Variants in MGAT4C observed in about 807,000 individuals in gnomAD.
MGAT4C encodes MGAT4 family member C.
A neutral mutation model predicts 40.1 loss-of-function variants in MGAT4C; 19 were observed. The ratio of observed to expected loss-of-function variants is 0.47; its 90% CI spans 0.33 to 0.70. MGAT4C has a LOEUF of 0.70. Among genes scored for constraint, MGAT4C ranks in the 30% least tolerant of loss-of-function variants. The pLI, the probability that MGAT4C is intolerant of heterozygous loss-of-function variation, is 0.02. For missense variants in MGAT4C, 491 were observed against 563.2 expected (o/e 0.87, Z 1.30); for synonymous variants, 181 against 187.1 (o/e 0.97, Z 0.27).
At chr12:86,299,241 T>C (rs1036817056) in intron 4 of MGAT4C, among the ~76,000 whole-genome samples, 1 of 152,292 alleles carries the variant, frequency 6.6e-6, no homozygotes, top group Non-Finnish European at 1.5e-5. Flanking sequence ...TTCAGCCTCC[T>C]GTGTAGCTGG....
intron 2 of MGAT4C, among the ~76,000 whole-genome samples, chr12:86,513,611 A>G (rs1479464725): frequency 6.6e-6 from 1 of 152,190 alleles, no homozygotes; most frequent in East Asian, 1.9e-4. Flanking sequence ...TGCCAGAACA[A>G]CTGAATGTCT....
chr12:86,472,651 T>C (rs931641804), intron 2 of MGAT4C, among the ~76,000 whole-genome samples: 5 of 152,156 alleles, frequency 3.3e-5, no homozygotes, highest in Non-Finnish European at 5.9e-5. Flanking sequence ...CTTAGTAATA[T>C]GATTTATTCT....
intron 1 of MGAT4C, among the ~76,000 whole-genome samples, chr12:86,734,643 A>C (rs1950957933): frequency 6.6e-6 from 1 of 151,942 alleles, no homozygotes; most frequent in Admixed American, 6.6e-5. Flanking sequence ...GTAGCACATG[A>C]GGATACAAAA....
chr12:86,182,695 AG>A (rs144847314), intron 1 of MGAT4C, among the ~76,000 whole-genome samples: 1 of 152,220 alleles, frequency 6.6e-6, no homozygotes, highest in East Asian at 1.9e-4. Flanking sequence ...TGTTGACAAA[AG>A]TCAATGATAG....
At chr12:86,032,477 C>T (rs980039279) in intron 2 of MGAT4C, among the ~76,000 whole-genome samples, 11 of 149,644 alleles carry the variant, frequency 7.4e-5, no homozygotes, top group African/African-American at 2.7e-4. Context: ...GAGTTGGTAT[C>T]TCATTGTGAG....
chr12:86,578,366 A>T (rs1028987439), intron 2 of MGAT4C, among the ~76,000 whole-genome samples: 2 of 151,834 alleles, frequency 1.3e-5, no homozygotes, highest in African/African-American at 4.8e-5. Context: ...TGGCTTTGGT[A>T]TCAGGGTAAC....
At chr12:86,802,618 C>T (rs951485558) in intron 1 of MGAT4C, among the ~76,000 whole-genome samples, 1 of 151,250 alleles carries the variant, frequency 6.6e-6, no homozygotes, top group Non-Finnish European at 1.5e-5. Context: ...TATACACCAA[C>T]AACAGACAAA....
At chr12:86,758,734 T>C (rs1266029930) in intron 1 of MGAT4C, among the ~76,000 whole-genome samples, 1 of 152,118 alleles carries the variant, frequency 6.6e-6, no homozygotes, top group Admixed American at 6.5e-5. Context: ...TATTTTGTTA[T>C]GCAAAATTGG....
intron 3 of MGAT4C, among the ~76,000 whole-genome samples, chr12:86,351,445 T>C (rs1473689812): frequency 6.6e-6 from 1 of 151,968 alleles, no homozygotes; most frequent in Non-Finnish European, 1.5e-5. Flanking sequence ...AGGGAGAGAT[T>C]GTCAAATACA....
intron 2 of MGAT4C, among the ~76,000 whole-genome samples, chr12:86,716,696 T>C (rs1168457274): frequency 6.6e-6 from 1 of 152,148 alleles, no homozygotes; most frequent in Non-Finnish European, 1.5e-5. Context: ...GCAACAAATG[T>C]CCTATTCCTC....
intron 1 of MGAT4C, among the ~76,000 whole-genome samples, chr12:86,822,161 G>T (rs1054841831): frequency 6.6e-6 from 1 of 150,478 alleles, no homozygotes; most frequent in East Asian, 1.9e-4. Flanking sequence ...AGACCCCAAG[G>T]TCACCACACA....
chr12:86,576,671 C>G (rs771411634), intron 2 of MGAT4C, among the ~76,000 whole-genome samples: 11 of 151,670 alleles, frequency 7.3e-5, no homozygotes, highest in Non-Finnish European at 1.2e-4. Context: ...TTCTGTTCCA[C>G]TGGTCTATGT....
chr12:86,373,230 G>C (rs919273429), intron 3 of MGAT4C, among the ~76,000 whole-genome samples: 1 of 151,894 alleles, frequency 6.6e-6, no homozygotes, highest in Non-Finnish European at 1.5e-5. Context: ...TCCAGAATCT[G>C]TTTGATTACA....
At chr12:86,371,436 A>G (rs1005091056) in intron 3 of MGAT4C, among the ~76,000 whole-genome samples, 1 of 152,064 alleles carries the variant, frequency 6.6e-6, no homozygotes, top group Non-Finnish European at 1.5e-5. Flanking sequence ...TAAAAAAATG[A>G]AACACCAATG....
At chr12:86,501,896 T>C (rs1958350499) in intron 2 of MGAT4C, among the ~76,000 whole-genome samples, 1 of 152,074 alleles carries the variant, frequency 6.6e-6, no homozygotes, top group Non-Finnish European at 1.5e-5. Context: ...TATTTCTAAA[T>C]CTTCGAGGAA....
At position 86,022,095 on chromosome 12, in the gene MGAT4C, T is replaced by G. The variant is rs1889794268; in HGVS notation, c.-7+27579A>C. Reference sequence around the variant, plus strand: ...TTATTGATAAATCATTACCATTCATTTATTATTTCACTCAAACATTTATTG... The same window carrying G: ...TTATTGATAAATCATTACCATTCATGTATTATTTCACTCAAACATTTATTG... On this transcript the variant is annotated intron_variant, in intron 2 of 4. Coordinates refer to ENST00000611864, the MANE Select transcript of MGAT4C (RefSeq NM_001351288.2). 3.9e-5 allele frequency among the ~76,000 whole-genome samples: 6 copies of G among 152,348 alleles called. No individual in the cohort carries two copies. The South Asian group carries it at 1.2e-3, about 32-fold the overall frequency.
intron 2 of MGAT4C, among the ~76,000 whole-genome samples, chr12:86,715,031 T>C (rs1950621959): frequency 1.3e-5 from 2 of 152,264 alleles, no homozygotes; most frequent in South Asian, 4.1e-4. Flanking sequence ...TTTCACCATG[T>C]CACATGGAAA....
chr12:86,173,782 G>A (rs1887099612), intron 1 of MGAT4C, among the ~76,000 whole-genome samples: 1 of 152,078 alleles, frequency 6.6e-6, no homozygotes, highest in South Asian at 2.1e-4. Context: ...AAGGGATGGG[G>A]ATTTCACTTA....
At chr12:86,363,148 A>G (rs1463768888) in intron 3 of MGAT4C, among the ~76,000 whole-genome samples, 3 of 151,108 alleles carry the variant, frequency 2.0e-5, no homozygotes, top group Non-Finnish European at 2.9e-5. Context: ...AAGCCAGGGT[A>G]TATAATATAT....
Sources: allele counts gnomAD v4.1 joint callset (sites outside exome capture counted in the v4.1 genomes callset), GRCh38; gene constraint gnomAD v4.1.1; transcripts MANE v1.5; gene names NCBI Gene and HGNC (gene_info 2026-07-23, HGNC 2026-07-21).